FNBP1: variants seen among roughly 807,000 people sequenced by gnomAD.
FNBP1 encodes formin-binding protein 1.
Under a neutral mutation model 90.6 loss-of-function variants are expected in FNBP1, and 26 were observed. The observed-to-expected ratio is 0.29, with a 90% CI of 0.21 to 0.40. The LOEUF is 0.40. FNBP1 is among the 10% of genes least tolerant of loss of function. FNBP1 has a pLI of 1.00. For synonymous variants in FNBP1, 260 were observed against 265.2 expected, an observed-to-expected ratio of 0.98 and a Z score of 0.19; for missense variants, 635 against 768.0, an observed-to-expected ratio of 0.83 and a Z score of 2.05.
intron 2 of FNBP1, among the ~76,000 whole-genome samples, chr9:129,982,632 C>T (rs909308687): frequency 8.5e-5 from 13 of 152,086 alleles, no homozygotes; most frequent in African/African-American, 9.6e-5. Flanking sequence ...ATTTCTAGTG[C>T]GTGGTTTATT....
the FNBP1 span, chr9:130,053,578 A>C: frequency 3.2e-6 from 1 of 310,386 alleles, no homozygotes. Flanking sequence ...CGGCTGACAC[A>C]GCTTATCCCC....
chr9:129,956,928 T>C lies in FNBP1; in HGVS notation c.513+432A>G, dbSNP rs189602545. On this transcript the variant is annotated intron_variant, in intron 6 of 16. Coordinates refer to ENST00000446176, the MANE Select transcript of FNBP1 (RefSeq NM_015033.3). Reference sequence around the variant, plus strand: ...CACAATGGTTGACACAAAATGAAAATGATTCCCCATGTAGCGCCTTTTGTG... The same window carrying C: ...CACAATGGTTGACACAAAATGAAAACGATTCCCCATGTAGCGCCTTTTGTG... Among the ~76,000 whole-genome samples the C allele has an allele frequency of 3.9e-5, 6 of 152,038 alleles. No homozygotes were observed. In the East Asian group the frequency reaches 9.7e-4, roughly 25 times the overall value.
At chr9:129,980,704 G>A (rs2051079485) in intron 2 of FNBP1, among the ~76,000 whole-genome samples, 1 of 148,342 alleles carries the variant, frequency 6.7e-6, no homozygotes, top group Non-Finnish European at 1.5e-5. Flanking sequence ...ACTAACACTG[G>A]TTCTACTGAC....
rs2051761583 is a variant in FNBP1, at chr9:129,984,180, T to C, written c.141-4806A>G. ...TCACCACAAGATTTCTGGATCAAGA[T>C]GGCAGAATAAAATCCAGCCAGAGAA... is the stretch of plus-strand genomic sequence containing the variant. On this transcript the variant is annotated intron_variant, in intron 2 of 16. Transcript: ENST00000446176. 2.6e-5 allele frequency among the ~76,000 whole-genome samples: 4 copies of C among 151,660 alleles called. No homozygotes were observed. In the South Asian group the frequency reaches 8.3e-4, roughly 31 times the overall value.
rs76336002 is a variant in FNBP1, at chr9:130,006,702, C to T, written c.25-11744G>A. On this transcript the variant is annotated intron_variant, in intron 1 of 16. Coordinates refer to ENST00000446176, the MANE Select transcript of FNBP1 (RefSeq NM_015033.3). Reference sequence around the variant, plus strand: ...TAAATAAAATAAAAACAGGTACAAACTTAGGCTTAATTGTTATAATTAGTC... The same window carrying T: ...TAAATAAAATAAAAACAGGTACAAATTTAGGCTTAATTGTTATAATTAGTC... Among the ~76,000 whole-genome samples, 1,005 of 152,106 alleles carry T rather than the reference C, an allele frequency of 6.6e-3. 4 individuals are homozygous for T. The highest frequency in any genetic ancestry group is 0.014 in the East Asian group (71 of 5,166).
intron 1 of FNBP1, among the ~76,000 whole-genome samples, chr9:130,034,015 CAAA>C (rs369731296): frequency 5.9e-5 from 6 of 102,242 alleles, no homozygotes; most frequent in Admixed American, 2.2e-4. Flanking sequence ...GACTCTGTCT[CAAA>C]AAAAAAAAAA....
At chr9:130,038,091 ACGCCTGT>A (rs2059486146) in intron 1 of FNBP1, among the ~76,000 whole-genome samples, 1 of 152,072 alleles carries the variant, frequency 6.6e-6, no homozygotes, top group African/African-American at 2.4e-5. Flanking sequence ...GCGGTGGCTC[ACGCCTGT>A]AATCCCAGCA....
chr9:129,929,494 C>T (rs975717738), intron 7 of FNBP1, 73 bp downstream of exon 7: 193 of 1,369,540 alleles, frequency 1.4e-4, no homozygotes, highest in Middle Eastern at 5.5e-4. Flanking sequence ...CCAGCAATCA[C>T]GATTCAGAAG....
intron 6 of FNBP1, among the ~76,000 whole-genome samples, chr9:129,939,666 A>C (rs1220438641): frequency 6.6e-6 from 1 of 152,120 alleles, no homozygotes; most frequent in East Asian, 1.9e-4. Flanking sequence ...CAAGCCAAGA[A>C]ATTAACATAA....
At chr9:129,920,657 T>C (rs991204675) in intron 10 of FNBP1, among the ~76,000 whole-genome samples, 1 of 152,188 alleles carries the variant, frequency 6.6e-6, no homozygotes, top group African/African-American at 2.4e-5. Context: ...CTTTGGTCTT[T>C]TTCTAAATAG....
At chr9:130,051,936 T>G in the FNBP1 span, among the ~76,000 whole-genome samples, 1 of 152,234 alleles carries the variant, frequency 6.6e-6, no homozygotes, top group African/African-American at 2.4e-5. Context: ...TAAAGTGTAA[T>G]GTCCCTTTGA....
Position 129,900,129 on chromosome 9 carries a change from A to G in FNBP1, c.1551-28T>C. 1 of 1,572,038 alleles carries G rather than the reference A, an allele frequency of 6.4e-7. No homozygotes were observed. The highest frequency in any genetic ancestry group is 8.6e-7 in the Non-Finnish European group (1 of 1,159,076). Reference sequence around the variant, plus strand: ...GCTCAAGAAAGGAAAACACAAAGCAACTAAAGCGACTGACCCCAGGGAGGA... The same window carrying G: ...GCTCAAGAAAGGAAAACACAAAGCAGCTAAAGCGACTGACCCCAGGGAGGA... On this transcript the variant is annotated intron_variant, in intron 14 of 16. Coordinates refer to ENST00000446176, the MANE Select transcript of FNBP1 (RefSeq NM_015033.3). The surrounding 1 kb of genome is among the most constrained non-coding windows in gnomAD (Gnocchi z 4.1).
At chr9:130,037,544 A>C (rs1262245147) in intron 1 of FNBP1, among the ~76,000 whole-genome samples, 1 of 152,220 alleles carries the variant, frequency 6.6e-6, no homozygotes, top group Non-Finnish European at 1.5e-5. Context: ...AATTCAACAC[A>C]CTATAAAGTG....
In FNBP1 at chr9:129,890,234, A is replaced by C; in HGVS notation, c.*305T>G. 1 of 486,818 alleles carries C rather than the reference A, an allele frequency of 2.1e-6. No homozygotes were observed. The highest frequency in any genetic ancestry group is 3.7e-6 in the Non-Finnish European group (1 of 273,752). The allele number at this position is 486,818 out of a possible 1,614,324, so 30.2% of individuals were successfully genotyped here. The stretch of plus-strand genomic sequence containing the variant: ...GCCCGGGTGGACTGAGGGCCCAGGA[A>C]GGAGCAGGTAGGGGCGTGTGTCCCA... On this transcript the variant is annotated 3_prime_UTR_variant, in exon 17 of 17. Coordinates refer to ENST00000446176, the MANE Select transcript of FNBP1 (RefSeq NM_015033.3). The surrounding 1 kb of genome is among the most constrained non-coding windows in gnomAD (Gnocchi z 5.8).
chr9:129,944,829 C>T (rs79856874), intron 6 of FNBP1, among the ~76,000 whole-genome samples: 8,556 of 152,218 alleles, frequency 0.056, 321 homozygotes, highest in Non-Finnish European at 0.086. Context: ...CCCACTTCCA[C>T]GTAATACAAA....
chr9:130,022,431 T>G (rs989482045), intron 1 of FNBP1, among the ~76,000 whole-genome samples: 7 of 152,206 alleles, frequency 4.6e-5, no homozygotes, highest in Admixed American at 1.3e-4. Context: ...GGTCTTGAAC[T>G]CCTGACCTCA....
At chr9:129,938,125 T>C (rs372103921) in intron 6 of FNBP1, among the ~76,000 whole-genome samples, 11 of 152,244 alleles carry the variant, frequency 7.2e-5, no homozygotes, top group African/African-American at 2.2e-4. Flanking sequence ...ATTGAGCCAC[T>C]GCACTCCAGC....
chr9:129,958,517 C>T lies in FNBP1; in HGVS notation c.382G>A (p.Glu128Lys), dbSNP rs1262931561. 2.5e-6 allele frequency: 4 copies of T among 1,599,252 alleles called. No homozygotes were observed. Among genetic ancestry groups the T allele is most frequent in the Admixed American group, 1.7e-5 (1 of 57,788 alleles). Residue 128 changes from glutamate to lysine, a missense_variant, in exon 5 of 17, where the codon GAG becomes AAG. Glu to Lys is a moderately conservative substitution (Grantham distance 56). Coordinates refer to ENST00000446176, the MANE Select transcript of FNBP1 (RefSeq NM_015033.3). ...HDGRKAQQHI[E>K]TCWKQLESSK... is the part of the protein sequence containing the mutation. The stretch of plus-strand genomic sequence containing the variant: ...GATTCAAGCTGCTTCCAGCAAGTCT[C>T]GATGTGCTGCTGTGCTTTACGGCCA...
At chr9:130,052,284 T>A in the FNBP1 span, among the ~76,000 whole-genome samples, 1,349 of 152,290 alleles carry the variant, frequency 8.9e-3, 12 homozygotes, top group Non-Finnish European at 0.014. Flanking sequence ...CACATGATAA[T>A]ACCCAAGTAT....
Sources: allele counts gnomAD v4.1 joint callset (sites outside exome capture counted in the v4.1 genomes callset), GRCh38; gene constraint gnomAD v4.1.1; non-coding constraint Gnocchi (gnomAD v3.1); transcripts MANE v1.5; gene names NCBI Gene and HGNC (gene_info 2026-07-23, HGNC 2026-07-21).